The following FREM2 variants were observed in gnomAD, a reference collection of about 807,000 sequenced individuals.
FREM2 encodes FRAS1-related extracellular matrix protein 2.
FREM2 carries 119 observed loss-of-function variants against 219.9 expected under a neutral mutation model. The ratio of observed to expected loss-of-function variants is 0.54; its 90% CI spans 0.47 to 0.63. FREM2 has a LOEUF of 0.63. Among genes scored for constraint, FREM2 ranks in the 30% least tolerant of loss-of-function variants. The pLI is 0.00. For missense variants in FREM2, 4,030 were observed against 3,993.6 expected, an observed-to-expected ratio of 1.01 and a Z score of -0.25; for synonymous variants, 1,562 against 1,522.8, an observed-to-expected ratio of 1.03 and a Z score of -0.60.
At position 38,857,910 on chromosome 13, in the gene FREM2, C is replaced by T. The variant is rs1301121515; in HGVS notation, c.7092C>T (p.Ser2364=). Residue 2364 remains serine (S), a synonymous_variant, in exon 13 of 24, where the codon AGC becomes AGT. Transcript: ENST00000280481. The stretch of plus-strand genomic sequence containing the variant: ...CCATTGTGTACATAGAAGAAATGAG[C>T]AGCATGGCAGATGTCACTTTTCCTT... ...TKAIVYIEEM[S]SMADVTFPSV... 1.2e-6 allele frequency: 2 copies of T among 1,613,458 alleles called. No homozygotes were observed. The highest frequency in any genetic ancestry group is 1.7e-5 in the Admixed American group (1 of 60,016).
At chr13:38,813,549 CTCTCTCTCTCTCTCTATA>C (rs1875618237) in intron 6 of FREM2, among the ~76,000 whole-genome samples, 2 of 31,388 alleles carry the variant, frequency 6.4e-5, no homozygotes, top group African/African-American at 3.2e-4. Context: ...CTCTCTCTCT[CTCTCTCTCTCTCTCTATA>C]TATATATATA....
intron 4 of FREM2, among the ~76,000 whole-genome samples, chr13:38,775,465 C>G (rs1405413875): frequency 3.3e-5 from 5 of 152,092 alleles, no homozygotes; most frequent in African/African-American, 1.2e-4. Context: ...CAAACACTTG[C>G]TAAAAGTATA....
intron 6 of FREM2, among the ~76,000 whole-genome samples, chr13:38,833,038 C>T (rs560914879): frequency 4.0e-5 from 6 of 151,162 alleles, no homozygotes; most frequent in South Asian, 4.2e-4. Context: ...GACTGTGTCT[C>T]GAAAAAAAAG....
intron 4 of FREM2, 99 bp from the exon 5 acceptor site, chr13:38,782,971 G>A (rs1271775794): frequency 4.3e-6 from 6 of 1,411,034 alleles, no homozygotes; most frequent in East Asian, 4.6e-5. Flanking sequence ...TATTCAAGGG[G>A]GAAAAATCAA....
intron 15 of FREM2, among the ~76,000 whole-genome samples, chr13:38,864,021 G>T (rs1381469641): frequency 6.6e-6 from 1 of 151,864 alleles, no homozygotes; most frequent in African/African-American, 2.4e-5. Context: ...TAGAGACAGG[G>T]TTTCATCATG....
chr13:38,724,118 A>G (rs534806086), intron 2 of FREM2, among the ~76,000 whole-genome samples: 2 of 152,218 alleles, frequency 1.3e-5, no homozygotes, highest in South Asian at 2.1e-4. Context: ...GGTCCCTCAC[A>G]TTGTTACTCC....
chr13:38,759,290 G>A (rs1015758714), intron 2 of FREM2, among the ~76,000 whole-genome samples: 20 of 152,098 alleles, frequency 1.3e-4, no homozygotes, highest in African/African-American at 4.6e-4. Flanking sequence ...GAAGAAATTT[G>A]TTGTCAAAGC....
intron 2 of FREM2, among the ~76,000 whole-genome samples, chr13:38,719,065 T>C (rs1244183772): frequency 6.6e-6 from 1 of 152,178 alleles, no homozygotes; most frequent in Admixed American, 6.5e-5. Context: ...GAAGTTCCAA[T>C]TGAGTCTAAG....
intron 16 of FREM2, among the ~76,000 whole-genome samples, chr13:38,872,377 G>C (rs577420223): frequency 6.6e-6 from 1 of 152,148 alleles, no homozygotes; most frequent in Non-Finnish European, 1.5e-5. Flanking sequence ...TGGTTGCACA[G>C]CTCCTTAAAT....
At position 38,690,152 on chromosome 13, in the gene FREM2, G is replaced by C; in HGVS notation, c.2808G>C (p.Val936=). 1 of 1,614,090 alleles carries C rather than the reference G, an allele frequency of 6.2e-7. No individual in the cohort carries two copies. The highest frequency in any genetic ancestry group is 8.5e-7 in the Non-Finnish European group (1 of 1,180,004). The change falls in exon 1 of 24, where the codon GTG becomes GTC. Residue 936 remains valine (V), a synonymous_variant. Transcript: ENST00000280481. ...PITLRVNVRP[V]DDEVPILSHP... ...CTCTCAGAGTAAATGTCCGGCCAGT[G>C]GATGATGAAGTGCCCATACTGAGCC... is the stretch of plus-strand genomic sequence containing the variant.
chr13:38,872,603 T>A, intron 16 of FREM2, 139 bp from the exon 17 acceptor site: 2 of 707,566 alleles, frequency 2.8e-6, no homozygotes, highest in Non-Finnish European at 4.9e-6. Context: ...GAAAATAGTG[T>A]TATAAAATGC....
chr13:38,772,633 T>C (rs1474538551), intron 4 of FREM2, among the ~76,000 whole-genome samples: 2 of 152,096 alleles, frequency 1.3e-5, no homozygotes, highest in Non-Finnish European at 2.9e-5. Context: ...CAATTTTATA[T>C]TTGGCAAGTT....
chr13:38,861,310 C>A, intron 14 of FREM2, 121 bp from the exon 15 acceptor site: 1 of 944,616 alleles, frequency 1.1e-6, no homozygotes, highest in Non-Finnish European at 1.6e-6. Flanking sequence ...CTTAGCCATG[C>A]CCTACTCCAC....
At chr13:38,707,208 T>TTAGAATTCTTACATTTTTAGGA (rs1415763367) in intron 2 of FREM2, among the ~76,000 whole-genome samples, 1 of 152,238 alleles carries the variant, frequency 6.6e-6, no homozygotes, top group East Asian at 1.9e-4. Flanking sequence ...TGGTTTACAC[T>TTAGAATTCTTACATTTTTAGGA]TAGAATTCTT....
intron 6 of FREM2, among the ~76,000 whole-genome samples, chr13:38,818,323 TA>T (rs1363749629): frequency 5.9e-5 from 9 of 152,112 alleles, no homozygotes; most frequent in South Asian, 4.1e-4. Flanking sequence ...AAATGTGGTA[TA>T]AAAACCCAAC....
At chr13:38,829,529 A>G (rs996792244) in intron 6 of FREM2, among the ~76,000 whole-genome samples, 1 of 152,148 alleles carries the variant, frequency 6.6e-6, no homozygotes, top group African/African-American at 2.4e-5. Context: ...AGGAAAAAAT[A>G]CAAACACTAT....
At chr13:38,728,923 C>T (rs1411138036) in intron 2 of FREM2, among the ~76,000 whole-genome samples, 1 of 148,474 alleles carries the variant, frequency 6.7e-6, no homozygotes, top group Non-Finnish European at 1.5e-5. Flanking sequence ...ACAACCTCCG[C>T]CTCCTGGGAT....
At chr13:38,698,535 C>T (rs1870209113) in intron 2 of FREM2, among the ~76,000 whole-genome samples, 1 of 152,086 alleles carries the variant, frequency 6.6e-6, no homozygotes, top group South Asian at 2.1e-4. Context: ...TCAGATTGCT[C>T]ATAAAGATGT....
intron 14 of FREM2, 56 bp downstream of exon 14, chr13:38,859,646 A>G (rs2137920822): frequency 6.7e-7 from 1 of 1,482,624 alleles, no homozygotes; most frequent in East Asian, 2.3e-5. Context: ...AATATTACAA[A>G]TGTCTACTTT....
Sources: gnomAD v4.1 joint callset for allele counts (sites outside exome capture counted in the v4.1 genomes callset) on GRCh38, gnomAD v4.1.1 for gene constraint, MANE v1.5 for transcripts, NCBI Gene and HGNC (gene_info 2026-07-23, HGNC 2026-07-21) for gene names.